ZFYVE9: variants seen among roughly 807,000 people sequenced by gnomAD.
ZFYVE9 encodes the protein zinc finger FYVE domain-containing protein 9.
A neutral mutation model predicts 126.7 loss-of-function variants in ZFYVE9; 43 were observed. The ratio of observed to expected loss-of-function variants is 0.34; its 90% confidence interval spans 0.27 to 0.44. The LOEUF (loss-of-function observed/expected upper bound fraction) is 0.44. Ranked by LOEUF, ZFYVE9 falls within the 20% of genes least tolerant of loss-of-function variation. ZFYVE9 has a pLI of 1.00. For synonymous variants in ZFYVE9, 521 were observed against 597.4 expected (o/e 0.87, Z 1.87); for missense variants, 1,476 against 1,697.0 (o/e 0.87, Z 2.29).
chr1:52,174,778 T>G (rs1448554201), intron 1 of ZFYVE9, among the ~76,000 whole-genome samples: 1 of 152,178 alleles, frequency 6.6e-6, no homozygotes, highest in Non-Finnish European at 1.5e-5. Context: ...TTGTCTCTTT[T>G]GATCTTTGTT....
At chr1:52,318,370 A>ATGTGTGTG (rs59683935) in intron 13 of ZFYVE9, among the ~76,000 whole-genome samples, 2,095 of 144,330 alleles carry the variant, frequency 0.015, 26 homozygotes, top group African/African-American at 0.018. Context: ...GCATGATTGT[A>ATGTGTGTG]TGTGTGTGTG....
At chr1:52,253,929 C>T (rs1357105954) in intron 4 of ZFYVE9, 4 of 966,088 alleles carry the variant, frequency 4.1e-6, no homozygotes, top group Non-Finnish European at 6.8e-6. Flanking sequence ...ATAATTTTCA[C>T]AACCTTCAAG....
At chr1:52,249,061 G>A (rs986562513) in intron 4 of ZFYVE9, among the ~76,000 whole-genome samples, 1 of 152,152 alleles carries the variant, frequency 6.6e-6, no homozygotes, top group South Asian at 2.1e-4. Context: ...ATGAGATCTG[G>A]TTGTTTGAAA....
intron 2 of ZFYVE9, among the ~76,000 whole-genome samples, chr1:52,224,791 A>G (rs1432238789): frequency 6.6e-6 from 1 of 151,956 alleles, no homozygotes; most frequent in Non-Finnish European, 1.5e-5. Flanking sequence ...TACTTGGGGT[A>G]TTTCCCATCC....
chr1:52,179,958 C>T (rs1437049544), intron 1 of ZFYVE9: 1 of 1,064,432 alleles, frequency 9.4e-7, no homozygotes, highest in Non-Finnish European at 1.5e-6. Flanking sequence ...CATCCTCCAG[C>T]AGTCAGTCGT....
chr1:52,346,025 C>G, intron 18 of ZFYVE9, 35 bp from the exon 19 acceptor site: 1 of 1,542,670 alleles, frequency 6.5e-7, no homozygotes, highest in Non-Finnish European at 8.8e-7. Flanking sequence ...CTTCTCTGTT[C>G]AGTAACCTCT....
rs3833530 is a variant in ZFYVE9 at position 52,274,821 on chromosome 1, TGTA to T, written c.2746+240_2746+242del. Among the ~76,000 whole-genome samples, 1,402 of 152,328 alleles carry T rather than the reference TGTA, an allele frequency of 9.2e-3. 61 individuals are homozygous for T. The East Asian group carries it at 0.12, about 13-fold the overall frequency. On this transcript the variant is annotated intron_variant, in intron 8 of 18. Coordinates refer to ENST00000287727, the MANE Select transcript of ZFYVE9 (RefSeq NM_004799.4). ...GATATAATATTACTTATAATGTAAA[TGTA>T]GTTTATTAGCAGTTTTTAAAAATAT...
rs748877789 is a variant in ZFYVE9, at chr1:52,251,706, C to A, written c.2179-12067C>A. On this transcript the variant is annotated intron_variant, in intron 4 of 18. Coordinates refer to ENST00000287727, the MANE Select transcript of ZFYVE9 (RefSeq NM_004799.4). ...TTTGGTATCAAGATAGTGCTGGCTTCACAGAAGGAGTTAGGAAGTATTTCC... is the reference window on the plus strand; with the variant it reads ...TTTGGTATCAAGATAGTGCTGGCTTAACAGAAGGAGTTAGGAAGTATTTCC... 1.8e-3 allele frequency among the ~76,000 whole-genome samples: 279 copies of A among 152,246 alleles called. 3 individuals carry two copies. The highest frequency in any genetic ancestry group is 1.4e-3 in the Non-Finnish European group (95 of 68,004).
rs191846278 is a variant in ZFYVE9, at chr1:52,208,154, C to T, written c.-142-8215C>T. Among the ~76,000 whole-genome samples the T allele has an allele frequency of 1.1e-3, 164 of 152,186 alleles. 2 individuals carry two copies. Among genetic ancestry groups the T allele is most frequent in the African/African-American group, 3.7e-3 (153 of 41,518 alleles). ...TGGGCAACACAGCAGAAACCTGTCT[C>T]TATTAAAATATAATAATAATAAAAT... On this transcript the variant is annotated intron_variant, in intron 1 of 18. Transcript: ENST00000287727.
chr1:52,322,831 G>GTC (rs1646254315), intron 13 of ZFYVE9, among the ~76,000 whole-genome samples: 1 of 151,878 alleles, frequency 6.6e-6, no homozygotes. Context: ...TGGAGACAGA[G>GTC]TCTCGCTCTA....
At chr1:52,339,293 T>G (rs544871136) in intron 16 of ZFYVE9, among the ~76,000 whole-genome samples, 54 of 147,270 alleles carry the variant, frequency 3.7e-4, no homozygotes, top group Non-Finnish European at 5.9e-4. Flanking sequence ...AATAATTCCT[T>G]TTTTTTTTTT....
intron 4 of ZFYVE9, among the ~76,000 whole-genome samples, chr1:52,263,078 C>CAAAAAAAAA (rs759753454): frequency 1.1e-4 from 8 of 70,326 alleles, no homozygotes; most frequent in African/African-American, 1.9e-4. Context: ...AATTGTGTCT[C>CAAAAAAAAA]AAAAAAAAAA....
At chr1:52,288,318 G>C (rs1439230845) in intron 10 of ZFYVE9, among the ~76,000 whole-genome samples, 1 of 152,180 alleles carries the variant, frequency 6.6e-6, no homozygotes, top group African/African-American at 2.4e-5. Context: ...TTAAGAGATA[G>C]AAGTCTTGCT....
At chr1:52,150,251 A>AGG (rs1251609946) in intron 1 of ZFYVE9, 2 of 152,092 alleles carry the variant, frequency 1.3e-5, no homozygotes, top group Admixed American at 1.3e-4. Flanking sequence ...ACCTCCTGAG[A>AGG]GGGGGTGACC....
intron 6 of ZFYVE9, among the ~76,000 whole-genome samples, chr1:52,267,152 C>T (rs1645641402): frequency 6.6e-6 from 1 of 152,134 alleles, no homozygotes; most frequent in African/African-American, 2.4e-5. Context: ...CCTAGCCTAC[C>T]TCATGCCTGT....
chr1:52,266,858 C>G, intron 6 of ZFYVE9, 27 bp downstream of exon 6: 1 of 1,527,908 alleles, frequency 6.5e-7, no homozygotes, highest in Non-Finnish European at 8.8e-7. Flanking sequence ...TATTCTCTCT[C>G]TTTTTCCTCA....
chr1:52,188,895 T>A (rs1261926712), intron 1 of ZFYVE9, among the ~76,000 whole-genome samples: 3 of 152,128 alleles, frequency 2.0e-5, no homozygotes, highest in Non-Finnish European at 4.4e-5. Context: ...GTTTTCACAG[T>A]CATGCGGTAA....
At chr1:52,216,498 T>G in intron 2 of ZFYVE9, 24 bp downstream of exon 2, 1 of 398,458 alleles carries the variant, frequency 2.5e-6, no homozygotes, top group Non-Finnish European at 4.4e-6. Flanking sequence ...TTTATTTCTC[T>G]TAGAGATTGA....
intron 4 of ZFYVE9, among the ~76,000 whole-genome samples, chr1:52,253,354 G>C (rs997322236): frequency 6.6e-6 from 1 of 152,122 alleles, no homozygotes; most frequent in African/African-American, 2.4e-5. Flanking sequence ...AGATGGGTTA[G>C]TAAACAATGG....
Sources: gnomAD v4.1 joint callset for allele counts (sites outside exome capture counted in the v4.1 genomes callset) on GRCh38, gnomAD v4.1.1 for gene constraint, MANE v1.5 for transcripts, NCBI Gene and HGNC (gene_info 2026-07-23, HGNC 2026-07-21) for gene names.